The following RPTOR variants were observed in gnomAD, a reference collection of about 807,000 sequenced individuals.
The protein encoded by RPTOR is regulatory associated protein of MTOR complex 1, also known as regulatory-associated protein of mTOR.
A neutral mutation model predicts 169.9 loss-of-function variants in RPTOR; 21 were observed. The ratio of observed to expected loss-of-function variants is 0.12; its 90% CI spans 0.09 to 0.18. RPTOR has a LOEUF of 0.18. Ranked by LOEUF, RPTOR falls within the 10% of genes least tolerant of loss-of-function variation. The pLI, the probability that RPTOR is intolerant of heterozygous loss-of-function variation, is 1.00. For missense variants in RPTOR, 1,133 were observed against 1,855.9 expected (o/e 0.61, Z 7.16); for synonymous variants, 732 against 753.2 (o/e 0.97, Z 0.46).
intron 12 of RPTOR, among the ~76,000 whole-genome samples, chr17:80,856,946 T>C (rs906726062): frequency 6.6e-6 from 1 of 152,234 alleles, no homozygotes; most frequent in Non-Finnish European, 1.5e-5. Context: ...AAACTGCTCA[T>C]ACCTTGTTAA....
chr17:80,693,803 A>G (rs1003933899), intron 3 of RPTOR, among the ~76,000 whole-genome samples: 2 of 152,202 alleles, frequency 1.3e-5, no homozygotes, highest in Non-Finnish European at 2.9e-5. Context: ...TGACTCAGAT[A>G]GTGACCTGGA....
At chr17:80,691,526 C>A (rs1385216150) in intron 3 of RPTOR, among the ~76,000 whole-genome samples, 1 of 152,130 alleles carries the variant, frequency 6.6e-6, no homozygotes, top group East Asian at 1.9e-4. Flanking sequence ...GAATGCATGA[C>A]TTACTCTATT....
chr17:80,925,112 G>T (rs556878660), intron 23 of RPTOR, among the ~76,000 whole-genome samples: 1 of 152,188 alleles, frequency 6.6e-6, no homozygotes, highest in East Asian at 1.9e-4. Context: ...TGGGAGCTGT[G>T]CTGGGTCGGC....
chr17:80,837,791 C>G, intron 9 of RPTOR, 131 bp from the exon 10 acceptor site: 1 of 802,232 alleles, frequency 1.2e-6, no homozygotes. Context: ...ACATGCCCCC[C>G]ACCAGCTGCC....
intron 12 of RPTOR, among the ~76,000 whole-genome samples, chr17:80,856,743 A>G (rs1005878221): frequency 6.6e-6 from 1 of 152,240 alleles, no homozygotes; most frequent in African/African-American, 2.4e-5. Flanking sequence ...GACAGGAAGC[A>G]TGTATTCATA....
At position 80,758,805 on chromosome 17, in the gene RPTOR, C is replaced by T. The variant is rs146622485; in HGVS notation, c.830+4620C>T. Among the ~76,000 whole-genome samples, 178 of 152,050 alleles carry T rather than the reference C, an allele frequency of 1.2e-3. 1 individual carries two copies. The South Asian group carries it at 0.024, about 20-fold the overall frequency. The stretch of plus-strand genomic sequence containing the variant: ...TCTGGGCTGGATACTGTATTTGGTG[C>T]GACCCTCTGGGGCATTTTTGCAAGT... On this transcript the variant is annotated intron_variant, in intron 6 of 33. Coordinates refer to ENST00000306801, the MANE Select transcript of RPTOR (RefSeq NM_020761.3).
At chr17:80,653,506 G>A (rs1054121471) in intron 3 of RPTOR, among the ~76,000 whole-genome samples, 5 of 152,230 alleles carry the variant, frequency 3.3e-5, no homozygotes, top group African/African-American at 1.2e-4. Context: ...TCTTAGAGCT[G>A]TGGTCTCTCC....
chr17:80,923,908 T>C (rs767628826), intron 23 of RPTOR: 113 of 543,528 alleles, frequency 2.1e-4, no homozygotes, highest in Non-Finnish European at 7.0e-5. Context: ...CCGGTCCCTC[T>C]GCCTGCACTC....
chr17:80,549,312 C>G (rs1431719624), intron 1 of RPTOR, among the ~76,000 whole-genome samples: 1 of 152,108 alleles, frequency 6.6e-6, no homozygotes, highest in Non-Finnish European at 1.5e-5. Flanking sequence ...AATTGTAGTT[C>G]AAAATGAATC....
intron 9 of RPTOR, among the ~76,000 whole-genome samples, chr17:80,834,330 T>C (rs552234137): frequency 2.0e-5 from 3 of 152,334 alleles, no homozygotes; most frequent in East Asian, 1.9e-4. Flanking sequence ...AACAAAGTTA[T>C]TTTCCTCCTC....
intron 5 of RPTOR, among the ~76,000 whole-genome samples, chr17:80,743,935 TTACTAGCACAGC>T (rs2066524639): frequency 2.4e-4 from 3 of 12,328 alleles, no homozygotes; most frequent in African/African-American, 4.4e-4. Context: ...AGAGCCCTGG[TTACTAGCACAGC>T]CCTGGCTACT....
chr17:80,828,047 C>T (rs1258389608), intron 9 of RPTOR, among the ~76,000 whole-genome samples: 3 of 152,162 alleles, frequency 2.0e-5, no homozygotes, highest in Admixed American at 2.0e-4. Context: ...GCTTCTGTTT[C>T]AGGCGCATCC....
rs2065643088 is a variant in RPTOR at position 80,651,951 on chromosome 17, T to C, written c.348+8141T>C. ...TGAACCCGGGAGGTGGAGCTTGCAG[T>C]GAGCTGAGATCACGCCACTGCACTC... is the stretch of plus-strand genomic sequence containing the variant. On this transcript the variant is annotated intron_variant, in intron 3 of 33. Transcript: ENST00000306801. The surrounding 1 kb of genome is among the most constrained non-coding windows in gnomAD (Gnocchi z 4.1). Among the ~76,000 whole-genome samples the C allele has an allele frequency of 6.6e-6, 1 of 151,552 alleles. No individual in the cohort carries two copies. The highest frequency in any genetic ancestry group is 1.5e-5 in the Non-Finnish European group (1 of 67,938).
chr17:80,625,323 G>T (rs2065384827), intron 1 of RPTOR, among the ~76,000 whole-genome samples: 1 of 152,168 alleles, frequency 6.6e-6, no homozygotes, highest in African/African-American at 2.4e-5. Context: ...ATATCTGGTG[G>T]GAGTGTAAAT....
intron 24 of RPTOR, among the ~76,000 whole-genome samples, chr17:80,930,108 C>T (rs1248600075): frequency 6.9e-6 from 1 of 143,922 alleles, no homozygotes; most frequent in Non-Finnish European, 1.5e-5. Flanking sequence ...TCATCCCCAG[C>T]TCATCCTCAA....
chr17:80,648,954 A>G (rs1309759707), intron 3 of RPTOR, among the ~76,000 whole-genome samples: 11 of 152,082 alleles, frequency 7.2e-5, no homozygotes, highest in Non-Finnish European at 1.6e-4. Context: ...GCGCCTCCTT[A>G]CCTTCCGCCA....
chr17:80,736,096 C>T (rs2066431041), intron 5 of RPTOR, among the ~76,000 whole-genome samples: 1 of 151,976 alleles, frequency 6.6e-6, no homozygotes, highest in African/African-American at 2.4e-5. Context: ...CGCTTGAGCT[C>T]AGAGCTGGAG....
chr17:80,566,393 T>G (rs1568307685), intron 1 of RPTOR, among the ~76,000 whole-genome samples: 1 of 152,146 alleles, frequency 6.6e-6, no homozygotes, highest in Non-Finnish European at 1.5e-5. Flanking sequence ...CAGAACAGAT[T>G]TTATGGTATG....
intron 20 of RPTOR, among the ~76,000 whole-genome samples, chr17:80,904,729 G>A (rs967319492): frequency 1.3e-5 from 2 of 152,086 alleles, no homozygotes; most frequent in Non-Finnish European, 2.9e-5. Flanking sequence ...GAAGTTCTCT[G>A]CGGTCTGTTT....
Sources: gnomAD v4.1 joint callset for allele counts (sites outside exome capture counted in the v4.1 genomes callset) on GRCh38, gnomAD v4.1.1 for gene constraint, Gnocchi (gnomAD v3.1) non-coding constraint, MANE v1.5 for transcripts, NCBI Gene and HGNC (gene_info 2026-07-23, HGNC 2026-07-21) for gene names.